Variants in CCDC171 observed in about 807,000 individuals in gnomAD.
The protein encoded by CCDC171 is coiled-coil domain containing 171.
A neutral mutation model predicts 168.2 loss-of-function variants in CCDC171; 177 were observed. The ratio of observed to expected loss-of-function variants is 1.05; its 90% CI spans 0.93 to 1.19. The LOEUF (loss-of-function observed/expected upper bound fraction) is 1.19. Ranked by LOEUF, CCDC171 falls within the 50% of genes most tolerant of loss-of-function variation. The pLI, the probability that CCDC171 is intolerant of heterozygous loss-of-function variation, is 0.00. For missense variants in CCDC171, 1,991 were observed against 1,539.0 expected, an observed-to-expected ratio of 1.29 and a Z score of -4.91; for synonymous variants, 687 against 540.8, an observed-to-expected ratio of 1.27 and a Z score of -3.75.
intron 1 of CCDC171, among the ~76,000 whole-genome samples, chr9:16,054,021 C>T (rs1833794149): frequency 6.6e-6 from 1 of 152,238 alleles, no homozygotes; most frequent in Non-Finnish European, 1.5e-5. Context: ...GCAGCCTGGC[C>T]TGCTGATGTT....
At chr9:15,947,573 G>A (rs957125236) in intron 25 of CCDC171, among the ~76,000 whole-genome samples, 2 of 151,960 alleles carry the variant, frequency 1.3e-5, no homozygotes, top group African/African-American at 4.8e-5. Context: ...ATATTCCATT[G>A]TATGTATATA....
the CCDC171 span, among the ~76,000 whole-genome samples, chr9:16,071,452 T>C: frequency 1.3e-5 from 2 of 152,182 alleles, no homozygotes; most frequent in Non-Finnish European, 2.9e-5. Flanking sequence ...CCTCAGACTT[T>C]CCAGCTACTC....
chr9:15,575,017 G>C (rs982655407), intron 3 of CCDC171, among the ~76,000 whole-genome samples: 1 of 152,078 alleles, frequency 6.6e-6, no homozygotes, highest in African/African-American at 2.4e-5. Context: ...AATCATTTGA[G>C]CGTAACAATA....
In CCDC171 at chr9:15,583,302, C is replaced by G. The variant is rs559123513; in HGVS notation, c.352+4279C>G. Among the ~76,000 whole-genome samples the G allele has an allele frequency of 5.3e-5, 8 of 151,332 alleles. No homozygotes were observed. In the East Asian group the frequency reaches 1.6e-3, roughly 30 times the overall value. Reference sequence around the variant, plus strand: ...TGGTGGCGCACGCCTGTAGTCCCAGCTACTTGGGAGGCTGAGGCAGAATAG... The same window carrying G: ...TGGTGGCGCACGCCTGTAGTCCCAGGTACTTGGGAGGCTGAGGCAGAATAG... On this transcript the variant is annotated intron_variant, in intron 4 of 25. Coordinates refer to ENST00000380701, the MANE Select transcript of CCDC171 (RefSeq NM_173550.4).
chr9:15,730,175 G>T (rs1024540971), intron 16 of CCDC171, among the ~76,000 whole-genome samples: 6 of 151,708 alleles, frequency 4.0e-5, no homozygotes, highest in African/African-American at 1.5e-4. Flanking sequence ...CTCCATTTGT[G>T]GAGGTTCCTA....
upstream of CCDC171, among the ~76,000 whole-genome samples, chr9:16,038,540 G>T (rs1331608672): frequency 2.6e-5 from 4 of 152,116 alleles, no homozygotes; most frequent in East Asian, 5.8e-4. Flanking sequence ...TAAAACATCT[G>T]TATGTATATA....
intron 21 of CCDC171, among the ~76,000 whole-genome samples, chr9:15,794,474 C>A (rs1447532372): frequency 2.0e-5 from 3 of 151,392 alleles, no homozygotes; most frequent in Non-Finnish European, 2.9e-5. Context: ...CGCCCCCACC[C>A]CCCCACCAAA....
At chr9:15,751,843 G>A (rs1456478264) in intron 18 of CCDC171, among the ~76,000 whole-genome samples, 1 of 152,146 alleles carries the variant, frequency 6.6e-6, no homozygotes, top group Non-Finnish European at 1.5e-5. Context: ...CAGGACATTG[G>A]CATGGGCAAA....
At chr9:15,670,907 C>G (rs1049327516) in intron 9 of CCDC171, among the ~76,000 whole-genome samples, 4 of 151,944 alleles carry the variant, frequency 2.6e-5, no homozygotes, top group African/African-American at 9.7e-5. Context: ...CTTTGGGAGG[C>G]TCTGGTGGGA....
intron 1 of CCDC171, among the ~76,000 whole-genome samples, chr9:15,553,862 A>G (rs560829478): frequency 6.6e-6 from 1 of 152,138 alleles, no homozygotes; most frequent in Non-Finnish European, 1.5e-5. Flanking sequence ...TATGATATTG[A>G]TCCTAAGAAA....
intron 21 of CCDC171, among the ~76,000 whole-genome samples, chr9:15,799,165 T>TATATATATAC (rs1323969229): frequency 1.3e-4 from 18 of 141,200 alleles, no homozygotes; most frequent in African/African-American, 4.5e-4. Flanking sequence ...TATATATATA[T>TATATATATAC]ACCATTTTGA....
chr9:15,590,826 TTTCTTTCTTC>T (rs2041951374), intron 4 of CCDC171, among the ~76,000 whole-genome samples: 2 of 148,726 alleles, frequency 1.3e-5, no homozygotes, highest in Non-Finnish European at 1.5e-5. Context: ...TCTTTCTTTC[TTTCTTTCTTC>T]TTCTTTCTTT....
At position 15,669,551 on chromosome 9, in the gene CCDC171, C is replaced by G. The variant is rs145866323; in HGVS notation, c.1076+3228C>G. 2.6e-5 allele frequency among the ~76,000 whole-genome samples: 4 copies of G among 152,172 alleles called. No homozygotes were observed. In the East Asian group the frequency reaches 7.7e-4, roughly 29 times the overall value. Reference sequence around the variant, plus strand: ...TAACTATAGTTGCCCTGTTGTGCCACCAAACACTAGATCCTGTTCCTTCCA... The same window carrying G: ...TAACTATAGTTGCCCTGTTGTGCCAGCAAACACTAGATCCTGTTCCTTCCA... On this transcript the variant is annotated intron_variant, in intron 9 of 25. Coordinates refer to ENST00000380701, the MANE Select transcript of CCDC171 (RefSeq NM_173550.4).
intron 21 of CCDC171, among the ~76,000 whole-genome samples, chr9:15,827,102 C>T (rs939672242): frequency 3.3e-5 from 5 of 152,268 alleles, no homozygotes; most frequent in African/African-American, 1.2e-4. Flanking sequence ...AATGAATATG[C>T]TGGTCCTTCC....
intron 7 of CCDC171, among the ~76,000 whole-genome samples, chr9:15,652,204 A>AT (rs1468661173): frequency 6.6e-6 from 1 of 151,986 alleles, no homozygotes; most frequent in Non-Finnish European, 1.5e-5. Flanking sequence ...TTTAGAATTT[A>AT]TTTTTTTATA....
intron 3 of CCDC171, among the ~76,000 whole-genome samples, chr9:16,016,374 C>T (rs1196708803): frequency 6.6e-6 from 1 of 152,036 alleles, no homozygotes; most frequent in Non-Finnish European, 1.5e-5. Context: ...TTCTTGATTT[C>T]CCACATAGCT....
chr9:15,893,906 C>T (rs1369959316), intron 24 of CCDC171, among the ~76,000 whole-genome samples: 3 of 152,018 alleles, frequency 2.0e-5, no homozygotes, highest in Admixed American at 6.6e-5. Flanking sequence ...ACCATTTGAC[C>T]CAGCAATCCC....
rs142125441 is a variant in CCDC171 at position 15,578,969 on chromosome 9, C to T, written c.298C>T (p.Arg100Trp). The change falls in exon 4 of 26, where the codon CGG (arginine) becomes TGG (tryptophan). Residue 100 changes from arginine (R) to tryptophan (W), a missense_variant. Physicochemically the swap from Arg to Trp is moderately radical, Grantham distance 101. Coordinates refer to ENST00000380701, the MANE Select transcript of CCDC171 (RefSeq NM_173550.4). ...TAGAAAGGAAGCTGGTCTTGGAAGA[C>T]GGGCTGCTGAAGAAAGATTAGCCGA... is the stretch of plus-strand genomic sequence containing the variant. ...VARKEAGLGR[R>W]AAEERLAEAH... The T allele has an allele frequency of 7.6e-5, 123 of 1,613,818 alleles. No homozygotes were observed. Among genetic ancestry groups the T allele is most frequent in the African/African-American group, 6.9e-4 (52 of 74,898 alleles).
upstream of CCDC171, among the ~76,000 whole-genome samples, chr9:16,039,191 C>T (rs74710427): frequency 1.8e-3 from 268 of 152,244 alleles, 2 homozygotes; most frequent in African/African-American, 6.0e-3. Context: ...CCTTCTTAGG[C>T]AAATTTTCCG....
Sources: gnomAD v4.1 joint callset for allele counts (sites outside exome capture counted in the v4.1 genomes callset) on GRCh38, gnomAD v4.1.1 for gene constraint, MANE v1.5 for transcripts, NCBI Gene and HGNC (gene_info 2026-07-23, HGNC 2026-07-21) for gene names.